The following CSMD1 variants were observed in gnomAD, a reference collection of about 807,000 sequenced individuals.
CSMD1 encodes the protein CUB and sushi domain-containing protein 1.
Under a neutral mutation model 417.5 loss-of-function variants are expected in CSMD1, and 213 were observed. That is an observed-to-expected ratio of 0.51 (90% CI 0.46 to 0.57). CSMD1 has a LOEUF of 0.57. Among genes scored for constraint, CSMD1 ranks in the 20% least tolerant of loss-of-function variants. The pLI, the probability that CSMD1 is intolerant of heterozygous loss-of-function variation, is 0.00. For missense variants in CSMD1, 6,923 were observed against 4,529.7 expected, an observed-to-expected ratio of 1.53 and a Z score of -15.17; for synonymous variants, 2,862 against 1,736.8, an observed-to-expected ratio of 1.65 and a Z score of -16.11.
At chr8:4,352,890 C>G (rs1379083199) in intron 3 of CSMD1, among the ~76,000 whole-genome samples, 1 of 152,154 alleles carries the variant, frequency 6.6e-6, no homozygotes, top group East Asian at 1.9e-4. Context: ...ATAATTACCT[C>G]AGAAAATGAC....
chr8:4,376,957 A>G (rs1200164273), intron 3 of CSMD1, among the ~76,000 whole-genome samples: 1 of 152,094 alleles, frequency 6.6e-6, no homozygotes, highest in Non-Finnish European at 1.5e-5. Flanking sequence ...TCCTCCACTC[A>G]CCGCACAGGT....
chr8:4,904,453 G>C (rs918536941), intron 1 of CSMD1, among the ~76,000 whole-genome samples: 8 of 152,140 alleles, frequency 5.3e-5, no homozygotes, highest in Admixed American at 2.0e-4. Flanking sequence ...GAAGAGGTAA[G>C]AGACATGTTC....
At chr8:4,327,629 A>G (rs367699717) in intron 3 of CSMD1, among the ~76,000 whole-genome samples, 9 of 152,266 alleles carry the variant, frequency 5.9e-5, no homozygotes, top group African/African-American at 2.2e-4. Flanking sequence ...GCCCCCAAAA[A>G]CAACAACAAC....
intron 3 of CSMD1, among the ~76,000 whole-genome samples, chr8:4,139,524 G>T (rs539619171): frequency 6.7e-6 from 1 of 148,644 alleles, no homozygotes; most frequent in African/African-American, 2.6e-5. Context: ...GTGGATCTCA[G>T]GGGAGTGGCA....
At chr8:4,744,377 T>C (rs944609122) in intron 1 of CSMD1, among the ~76,000 whole-genome samples, 6 of 152,190 alleles carry the variant, frequency 3.9e-5, no homozygotes, top group South Asian at 4.1e-4. Flanking sequence ...TTTCGTATTG[T>C]CTCTTCTCCA....
intron 3 of CSMD1, among the ~76,000 whole-genome samples, chr8:4,235,649 C>A (rs918689528): frequency 3.9e-5 from 6 of 152,208 alleles, no homozygotes; most frequent in South Asian, 2.1e-4. Flanking sequence ...TGAAATGCAT[C>A]GACCCTTTTA....
rs568338528 is a variant in CSMD1 at position 4,318,812 on chromosome 8, T to C, written c.415+101141A>G. Among the ~76,000 whole-genome samples the C allele has an allele frequency of 7.2e-5, 11 of 152,116 alleles. No homozygotes were observed. In the South Asian group the frequency reaches 2.3e-3, roughly 32 times the overall value. On this transcript the variant is annotated intron_variant, in intron 3 of 69. Coordinates refer to ENST00000635120, the MANE Select transcript of CSMD1 (RefSeq NM_033225.6). ...TTACAAGCAAGTTAATTTTAAACTA[T>C]TTGAAAGCTAACATCCTCCCATAAA...
chr8:4,942,655 A>C (rs1295857193), intron 1 of CSMD1, among the ~76,000 whole-genome samples: 2 of 152,216 alleles, frequency 1.3e-5, no homozygotes, highest in African/African-American at 2.4e-5. Context: ...TCCACTAAAT[A>C]TACACATGTG....
At chr8:3,486,365 C>A (rs1418067870) in intron 11 of CSMD1, among the ~76,000 whole-genome samples, 2 of 152,178 alleles carry the variant, frequency 1.3e-5, no homozygotes, top group African/African-American at 2.4e-5. Context: ...TAAATGCATG[C>A]ATCTATTGTT....
At chr8:4,248,222 C>T (rs1274918469) in intron 3 of CSMD1, among the ~76,000 whole-genome samples, 1 of 152,252 alleles carries the variant, frequency 6.6e-6, no homozygotes. Flanking sequence ...TTTCCAACAG[C>T]AGACAGTTGG....
intron 5 of CSMD1, among the ~76,000 whole-genome samples, chr8:3,833,642 G>C (rs182894647): frequency 6.6e-6 from 1 of 151,980 alleles, no homozygotes; most frequent in Admixed American, 6.6e-5. Flanking sequence ...TCTCTCACAG[G>C]ATGGTGTTTG....
intron 49 of CSMD1, among the ~76,000 whole-genome samples, chr8:3,071,482 A>G (rs1308248828): frequency 6.6e-6 from 1 of 152,180 alleles, no homozygotes; most frequent in African/African-American, 2.4e-5. Context: ...ACAAACCTGC[A>G]CATTCTGCAC....
chr8:3,956,447 T>C (rs1375832405), intron 5 of CSMD1, among the ~76,000 whole-genome samples: 7 of 152,136 alleles, frequency 4.6e-5, no homozygotes, highest in African/African-American at 9.7e-5. Flanking sequence ...TGTTGCCTTG[T>C]GATAGCTTGA....
intron 12 of CSMD1, among the ~76,000 whole-genome samples, chr8:3,425,285 G>A (rs73174817): frequency 6.6e-6 from 1 of 152,118 alleles, no homozygotes; most frequent in Admixed American, 6.6e-5. Context: ...GGAAACTCCT[G>A]TATGTTGAAA....
chr8:3,513,239 G>C (rs911927483), intron 10 of CSMD1, among the ~76,000 whole-genome samples: 4 of 151,486 alleles, frequency 2.6e-5, no homozygotes, highest in Non-Finnish European at 5.9e-5. Flanking sequence ...AAATCCCCTA[G>C]TTTTCCCCTA....
intron 12 of CSMD1, among the ~76,000 whole-genome samples, chr8:3,464,291 A>G (rs78626236): frequency 0.034 from 5,147 of 152,244 alleles, 155 homozygotes; most frequent in East Asian, 0.15. Context: ...GACCACTACA[A>G]TAGCAAACAT....
intron 9 of CSMD1, among the ~76,000 whole-genome samples, chr8:3,578,069 T>C (rs534159899): frequency 1.2e-4 from 18 of 152,324 alleles, no homozygotes; most frequent in African/African-American, 4.3e-4. Context: ...TTAATTTCTC[T>C]GAATTTCATA....
intron 5 of CSMD1, among the ~76,000 whole-genome samples, chr8:3,852,271 G>A (rs62482675): frequency 6.6e-6 from 1 of 152,198 alleles, no homozygotes; most frequent in East Asian, 1.9e-4. Context: ...CCTGTAGGCA[G>A]TGGATGCAGC....
chr8:3,290,396 G>A (rs910209255), intron 25 of CSMD1, among the ~76,000 whole-genome samples: 1 of 146,670 alleles, frequency 6.8e-6, no homozygotes, highest in Non-Finnish European at 1.5e-5. Flanking sequence ...GGATGGCATT[G>A]AATCTATAAG....
Sources: gnomAD v4.1 joint callset for allele counts (sites outside exome capture counted in the v4.1 genomes callset) on GRCh38, gnomAD v4.1.1 for gene constraint, MANE v1.5 for transcripts, NCBI Gene and HGNC (gene_info 2026-07-23, HGNC 2026-07-21) for gene names.